KIF16B: variants seen among roughly 807,000 people sequenced by gnomAD.
The protein encoded by KIF16B is kinesin family member 16B.
Under a neutral mutation model 156.3 loss-of-function variants are expected in KIF16B, and 98 were observed. That is an observed-to-expected ratio of 0.63 (90% CI 0.53 to 0.74). The LOEUF is 0.74. KIF16B is among the 30% of genes least tolerant of loss of function. The pLI, the probability that KIF16B is intolerant of heterozygous loss-of-function variation, is 0.00. For synonymous variants in KIF16B, 564 were observed against 583.7 expected (o/e 0.97, Z 0.49); for missense variants, 1,421 against 1,606.5 (o/e 0.88, Z 1.97).
intron 23 of KIF16B, among the ~76,000 whole-genome samples, chr20:16,340,834 C>G (rs553954263): frequency 1.3e-5 from 2 of 152,182 alleles, no homozygotes; most frequent in Non-Finnish European, 2.9e-5. Context: ...ATCAACTTCT[C>G]TAATGAACTG....
chr20:16,414,700 A>G (rs1025249792), intron 15 of KIF16B, among the ~76,000 whole-genome samples: 4 of 152,158 alleles, frequency 2.6e-5, no homozygotes, highest in African/African-American at 9.7e-5. Flanking sequence ...CTCCAGTCCC[A>G]TACCCAAAGA....
chr20:16,290,329 A>T (rs1236217155), intron 25 of KIF16B, among the ~76,000 whole-genome samples: 1 of 152,232 alleles, frequency 6.6e-6, no homozygotes, highest in Non-Finnish European at 1.5e-5. Flanking sequence ...ATGCATCGAG[A>T]ACACTCAATG....
intron 12 of KIF16B, among the ~76,000 whole-genome samples, chr20:16,490,688 G>A (rs1200958264): frequency 6.6e-6 from 1 of 152,198 alleles, no homozygotes; most frequent in East Asian, 1.9e-4. Context: ...GGCCTCAGGA[G>A]AAGTTAATCT....
intron 12 of KIF16B, among the ~76,000 whole-genome samples, chr20:16,448,360 C>A (rs1386482305): frequency 6.6e-6 from 1 of 152,052 alleles, no homozygotes; most frequent in Non-Finnish European, 1.5e-5. Flanking sequence ...TTTAAATAAT[C>A]CCATAAGATA....
At chr20:16,352,622 T>C (rs2064359863) in intron 23 of KIF16B, among the ~76,000 whole-genome samples, 4 of 152,110 alleles carry the variant, frequency 2.6e-5, no homozygotes, top group Admixed American at 2.0e-4. Flanking sequence ...GCAGACCAAA[T>C]TGGAGCTCCC....
chr20:16,330,563 G>A (rs1192112445), intron 24 of KIF16B, among the ~76,000 whole-genome samples: 1 of 152,194 alleles, frequency 6.6e-6, no homozygotes, highest in Non-Finnish European at 1.5e-5. Context: ...AATGTTTACA[G>A]AGAAGTAGTC....
rs1422233198 is a variant in KIF16B at position 16,573,158 on chromosome 20, G to C, written c.47+71C>G. The C allele has an allele frequency of 1.3e-5, 19 of 1,428,874 alleles. No individual in the cohort carries two copies. The East Asian group carries it at 4.7e-4, about 35-fold the overall frequency. The allele number at this position is 1,428,874 out of a possible 1,614,324, so 88.5% of individuals were successfully genotyped here. On this transcript the variant is annotated intron_variant, in intron 1 of 25. Coordinates refer to ENST00000354981, the MANE Select transcript of KIF16B (RefSeq NM_024704.5). The stretch of plus-strand genomic sequence containing the variant: ...CACTTTTAAGTCCAGGCTGGCTTTG[G>C]GGGAGCTGGAAACAGGCTTCCTCTG...
intron 17 of KIF16B, among the ~76,000 whole-genome samples, chr20:16,399,390 G>T (rs1266022634): frequency 6.6e-6 from 1 of 152,156 alleles, no homozygotes; most frequent in Non-Finnish European, 1.5e-5. Context: ...GGCTTTACAA[G>T]TGTCTTCCCT....
At chr20:16,416,300 A>C (rs2066085946) in intron 15 of KIF16B, among the ~76,000 whole-genome samples, 1 of 152,148 alleles carries the variant, frequency 6.6e-6, no homozygotes, top group East Asian at 1.9e-4. Context: ...CTATGTCCTG[A>C]ATGGTATTGC....
intron 23 of KIF16B, among the ~76,000 whole-genome samples, chr20:16,346,833 T>C (rs2064243461): frequency 6.6e-6 from 1 of 152,212 alleles, no homozygotes. Context: ...CGGGGACTTA[T>C]TCTACTTTAA....
intron 23 of KIF16B, among the ~76,000 whole-genome samples, chr20:16,348,856 C>T (rs547380989): frequency 2.1e-4 from 32 of 151,824 alleles, no homozygotes; most frequent in Non-Finnish European, 4.0e-4. Context: ...TTTTAAAAAA[C>T]CAAACATGAT....
Position 16,462,874 on chromosome 20 carries a change from C to T in KIF16B, c.1302+31417G>A, listed in dbSNP as rs1046687129. 3.9e-5 allele frequency among the ~76,000 whole-genome samples: 6 copies of T among 152,280 alleles called. No homozygotes were observed. The East Asian group carries it at 7.7e-4, about 20-fold the overall frequency. The stretch of plus-strand genomic sequence containing the variant: ...AGCACATTCGACATGGAGGCTCCAC[C>T]TTCCATTTTCTTTGTCAACCACATG... On this transcript the variant is annotated intron_variant, in intron 12 of 25. Coordinates refer to ENST00000354981, the MANE Select transcript of KIF16B (RefSeq NM_024704.5).
At chr20:16,434,907 G>A (rs1279813528) in intron 12 of KIF16B, among the ~76,000 whole-genome samples, 1 of 152,086 alleles carries the variant, frequency 6.6e-6, no homozygotes, top group Admixed American at 6.6e-5. Flanking sequence ...GGGGGCTGGG[G>A]GTTGGGGACA....
chr20:16,385,757 C>T (rs1445496239), intron 17 of KIF16B, among the ~76,000 whole-genome samples: 1 of 152,106 alleles, frequency 6.6e-6, no homozygotes, highest in Non-Finnish European at 1.5e-5. Context: ...GAGGCCAGGG[C>T]AGTGGTTGAC....
At chr20:16,325,331 A>G (rs979548730) in intron 24 of KIF16B, among the ~76,000 whole-genome samples, 1 of 151,122 alleles carries the variant, frequency 6.6e-6, no homozygotes, top group Admixed American at 6.6e-5. Flanking sequence ...AAAGAAAGAA[A>G]GGGCATCCAA....
At chr20:16,514,393 C>A (rs1046975625) in intron 4 of KIF16B, among the ~76,000 whole-genome samples, 3 of 151,818 alleles carry the variant, frequency 2.0e-5, no homozygotes, top group African/African-American at 7.3e-5. Context: ...GGTTACATGT[C>A]CTGAAATAAT....
At chr20:16,419,017 C>G (rs1022235293) in intron 15 of KIF16B, among the ~76,000 whole-genome samples, 1 of 152,050 alleles carries the variant, frequency 6.6e-6, no homozygotes, top group East Asian at 1.9e-4. Flanking sequence ...GAATCACAGA[C>G]ATAAAAAACC....
At chr20:16,402,877 T>C (rs1233501922) in intron 17 of KIF16B, among the ~76,000 whole-genome samples, 2 of 152,152 alleles carry the variant, frequency 1.3e-5, no homozygotes. Flanking sequence ...AGGAAAACTA[T>C]TTGAACTTAA....
At chr20:16,313,336 T>A (rs2063649406) in intron 24 of KIF16B, among the ~76,000 whole-genome samples, 1 of 152,240 alleles carries the variant, frequency 6.6e-6, no homozygotes, top group Non-Finnish European at 1.5e-5. Context: ...TTTATGCCTA[T>A]GCAAATCACT....
Sources: allele counts gnomAD v4.1 joint callset (sites outside exome capture counted in the v4.1 genomes callset), GRCh38; gene constraint gnomAD v4.1.1; transcripts MANE v1.5; gene names NCBI Gene and HGNC (gene_info 2026-07-23, HGNC 2026-07-21).